Variants in EFCAB6 observed in about 807,000 individuals in gnomAD.
EFCAB6 encodes the protein EF-hand calcium binding domain 6, also known as EF-hand calcium-binding domain-containing protein 6.
A neutral mutation model predicts 169.8 loss-of-function variants in EFCAB6; 156 were observed. The observed-to-expected ratio is 0.92, with a 90% CI of 0.81 to 1.05. The LOEUF (loss-of-function observed/expected upper bound fraction) is 1.05. EFCAB6 is among the 50% of genes least tolerant of loss of function. The pLI is 0.00. For synonymous variants in EFCAB6, 698 were observed against 676.4 expected, an observed-to-expected ratio of 1.03 and a Z score of -0.50; for missense variants, 1,800 against 1,829.1, an observed-to-expected ratio of 0.98 and a Z score of 0.29.
At chr22:43,625,960 G>A (rs1419829455) in intron 20 of EFCAB6, among the ~76,000 whole-genome samples, 1 of 152,176 alleles carries the variant, frequency 6.6e-6, no homozygotes, top group Non-Finnish European at 1.5e-5. Context: ...GTGCTCACAG[G>A]TCTCCCAAGC....
chr22:43,702,238 C>A (rs1029678995), intron 10 of EFCAB6, among the ~76,000 whole-genome samples: 7 of 152,182 alleles, frequency 4.6e-5, no homozygotes, highest in Non-Finnish European at 8.8e-5. Context: ...TTTGAGAGAA[C>A]AATTTGGCAG....
At chr22:43,539,724 CCTCA>C (rs1278594360) in intron 28 of EFCAB6, among the ~76,000 whole-genome samples, 3 of 152,224 alleles carry the variant, frequency 2.0e-5, no homozygotes, top group African/African-American at 7.2e-5. Flanking sequence ...CCTCTTAGAG[CCTCA>C]CTGTGTTCAA....
In EFCAB6 at chr22:43,689,251, G is replaced by A. The variant is rs1603223306; in HGVS notation, c.1032-1670C>T. On this transcript the variant is annotated intron_variant, in intron 10 of 31. Coordinates refer to ENST00000262726, the MANE Select transcript of EFCAB6 (RefSeq NM_022785.4). ...AGGCAGGGGGTTGGTTGGATGGCTT[G>A]CTCTATCAGAGTCATCAGGAAAATA... Among the ~76,000 whole-genome samples the A allele has an allele frequency of 2.0e-5, 3 of 152,046 alleles. No individual in the cohort carries two copies. The Middle Eastern group carries it at 0.01, about 517-fold the overall frequency.
intron 20 of EFCAB6, among the ~76,000 whole-genome samples, chr22:43,622,159 C>A (rs992326578): frequency 1.3e-5 from 2 of 152,178 alleles, no homozygotes; most frequent in South Asian, 2.1e-4. Flanking sequence ...AGGAATACTC[C>A]CAGTTCATTT....
At chr22:43,631,232 T>C (rs937901474) in intron 19 of EFCAB6, among the ~76,000 whole-genome samples, 2 of 151,340 alleles carry the variant, frequency 1.3e-5, no homozygotes, top group African/African-American at 4.9e-5. Flanking sequence ...AACTCCCTGA[T>C]ACCCTCGGCC....
At chr22:43,677,646 G>A (rs552208212) in intron 13 of EFCAB6, among the ~76,000 whole-genome samples, 1 of 152,004 alleles carries the variant, frequency 6.6e-6, no homozygotes, top group Admixed American at 6.6e-5. Context: ...ACTCGACGGA[G>A]AGAGACTCCA....
intron 4 of EFCAB6, 112 bp downstream of exon 4, chr22:43,772,774 AAACTTC>A: frequency 9.1e-7 from 1 of 1,094,264 alleles, no homozygotes; most frequent in African/African-American, 1.6e-5. Flanking sequence ...ATGAAAAACA[AAACTTC>A]AACTGCTCAG....
chr22:43,535,662 G>A (rs1358974043), intron 29 of EFCAB6: 1 of 152,270 alleles, frequency 6.6e-6, no homozygotes, highest in East Asian at 1.9e-4. Context: ...TGTAAGATAA[G>A]ATTTGAGTTG....
chr22:43,795,909 C>T lies in EFCAB6; in HGVS notation c.-8+13086G>A, dbSNP rs1440918774. On this transcript the variant is annotated intron_variant, in intron 2 of 31. Coordinates refer to ENST00000262726, the MANE Select transcript of EFCAB6 (RefSeq NM_022785.4). This position sits in a 1 kb window ranked among gnomAD's most constrained non-coding sequence, Gnocchi z 4.2. ...ACAATACACACTCACCACACATACA[C>T]CACACACACACACACCCCTTCATCA... Among the ~76,000 whole-genome samples the T allele has an allele frequency of 6.7e-6, 1 of 149,364 alleles. No individual in the cohort carries two copies. The highest frequency in any genetic ancestry group is 1.5e-5 in the Non-Finnish European group (1 of 67,268).
At chr22:43,731,536 T>C (rs972175325) in intron 8 of EFCAB6, among the ~76,000 whole-genome samples, 163 bp downstream of exon 8, 4 of 152,228 alleles carry the variant, frequency 2.6e-5, no homozygotes, top group Non-Finnish European at 4.4e-5. Context: ...TTTCCTATTC[T>C]TAGGCATTGA....
rs117978254 is a variant in EFCAB6, at chr22:43,762,329, G to A, written c.440+2976C>T. 2.9e-3 allele frequency among the ~76,000 whole-genome samples: 439 copies of A among 152,152 alleles called. 7 individuals are homozygous for A. The highest frequency in any genetic ancestry group is 0.026 in the East Asian group (137 of 5,174). On this transcript the variant is annotated intron_variant, in intron 5 of 31. Coordinates refer to ENST00000262726, the MANE Select transcript of EFCAB6 (RefSeq NM_022785.4). ...CTTCCACCTTGGGAAGGCCTTCTAG[G>A]CTTTGTCTCTTGTCTCCATACTCCA... is the stretch of plus-strand genomic sequence containing the variant.
intron 17 of EFCAB6, among the ~76,000 whole-genome samples, chr22:43,664,550 G>A (rs975982529): frequency 2.6e-5 from 4 of 152,222 alleles, no homozygotes; most frequent in Non-Finnish European, 4.4e-5. Flanking sequence ...GACTGCATTT[G>A]CAATGGGAAT....
chr22:43,789,883 A>ACACACACACACACAC (rs61135895), intron 2 of EFCAB6, among the ~76,000 whole-genome samples: 1 of 151,038 alleles, frequency 6.6e-6, no homozygotes, highest in Non-Finnish European at 1.5e-5. Context: ...ACACACACAC[A>ACACACACACACACAC]AAAGTCTTCC....
chr22:43,714,480 T>C (rs2059264098), intron 9 of EFCAB6, among the ~76,000 whole-genome samples: 1 of 151,546 alleles, frequency 6.6e-6, no homozygotes, highest in African/African-American at 2.4e-5. Flanking sequence ...TTTGTCAAAA[T>C]GGTCCATGCC....
At chr22:43,699,676 T>C (rs573373681) in intron 10 of EFCAB6, among the ~76,000 whole-genome samples, 4 of 152,270 alleles carry the variant, frequency 2.6e-5, no homozygotes, top group Admixed American at 6.5e-5. Flanking sequence ...GCCTAACCCA[T>C]AGCCCTGTTA....
At chr22:43,774,612 G>A (rs909224973) in intron 3 of EFCAB6, among the ~76,000 whole-genome samples, 1 of 151,794 alleles carries the variant, frequency 6.6e-6, no homozygotes, top group African/African-American at 2.4e-5. Context: ...GTCCAGTGTG[G>A]AGACAGGCAT....
At chr22:43,643,674 G>T (rs966066203) in intron 17 of EFCAB6, among the ~76,000 whole-genome samples, 1 of 152,194 alleles carries the variant, frequency 6.6e-6, no homozygotes, top group South Asian at 2.1e-4. Flanking sequence ...GCCTGGCACC[G>T]TCCACAGAGG....
chr22:43,589,845 G>C (rs566216527), intron 24 of EFCAB6, among the ~76,000 whole-genome samples: 240 of 152,238 alleles, frequency 1.6e-3, no homozygotes, highest in African/African-American at 5.7e-3. Context: ...AGAAATGGTG[G>C]CACTGCTGCT....
intron 19 of EFCAB6, 117 bp from the exon 20 acceptor site, chr22:43,626,796 C>A: frequency 2.3e-6 from 2 of 873,958 alleles, no homozygotes; most frequent in Non-Finnish European, 1.8e-6. Flanking sequence ...TGGCTGGGCC[C>A]CAACTATTGC....
Sources: allele counts gnomAD v4.1 joint callset (sites outside exome capture counted in the v4.1 genomes callset), GRCh38; gene constraint gnomAD v4.1.1; non-coding constraint Gnocchi (gnomAD v3.1); transcripts MANE v1.5; gene names NCBI Gene and HGNC (gene_info 2026-07-23, HGNC 2026-07-21).